Variants in MYT1L observed in about 807,000 individuals in gnomAD.
MYT1L encodes myelin transcription factor 1-like protein.
In MYT1L, 12 loss-of-function variants were observed where a neutral mutation model predicts 126.7. The ratio of observed to expected loss-of-function variants is 0.09; its 90% CI spans 0.06 to 0.15. The LOEUF (loss-of-function observed/expected upper bound fraction) is 0.15, where lower values mean the gene tolerates loss of function less well. MYT1L is among the 10% of genes least tolerant of loss of function. The pLI is 1.00. For missense variants in MYT1L, 979 were observed against 1,585.2 expected (o/e 0.62, Z 6.49); for synonymous variants, 541 against 604.2 (o/e 0.90, Z 1.53).
chr2:1,847,975 C>G lies in MYT1L; in HGVS notation c.2774+3666G>C, dbSNP rs1338483190. Among the ~76,000 whole-genome samples the G allele has an allele frequency of 2.6e-5, 4 of 152,200 alleles. No individual in the cohort carries two copies. In the East Asian group the frequency reaches 7.7e-4, roughly 29 times the overall value. ...CTACTTCCTCCAGGGCCATCCTAGG[C>G]TCATGGGGCTGCCAGGAGGTGGGAC... On this transcript the variant is annotated intron_variant, in intron 19 of 24. Transcript: ENST00000647738.
At chr2:1,880,912 G>A (rs1199485523) in intron 18 of MYT1L, among the ~76,000 whole-genome samples, 1 of 152,208 alleles carries the variant, frequency 6.6e-6, no homozygotes, top group East Asian at 1.9e-4. Context: ...CAAGACAATG[G>A]CGAGGCATAA....
At chr2:2,313,469 A>C (rs991424512) in intron 1 of MYT1L, among the ~76,000 whole-genome samples, 2 of 151,900 alleles carry the variant, frequency 1.3e-5, no homozygotes, top group Non-Finnish European at 2.9e-5. Flanking sequence ...AACAAATCTC[A>C]CATTCTGAAT....
At chr2:2,286,143 C>T (rs1404542342) in intron 1 of MYT1L, among the ~76,000 whole-genome samples, 2 of 152,114 alleles carry the variant, frequency 1.3e-5, no homozygotes, top group Non-Finnish European at 2.9e-5. Flanking sequence ...CCACCACCCC[C>T]GGCTAATTTT....
intron 3 of MYT1L, among the ~76,000 whole-genome samples, chr2:2,108,168 C>A (rs150131419): frequency 6.6e-6 from 1 of 152,146 alleles, no homozygotes; most frequent in Non-Finnish European, 1.5e-5. Flanking sequence ...ACCTGAGTGG[C>A]CTTCTAGACT....
intron 4 of MYT1L, among the ~76,000 whole-genome samples, chr2:2,033,869 G>A (rs1020159809): frequency 1.3e-5 from 2 of 152,194 alleles, no homozygotes; most frequent in African/African-American, 2.4e-5. Context: ...GTGGGGCTGC[G>A]ATGCCACATG....
intron 8 of MYT1L, among the ~76,000 whole-genome samples, chr2:1,956,238 ATCTATCCTATTCTATATTTCCTAT>A (rs2058362979): frequency 9.1e-5 from 11 of 121,330 alleles, no homozygotes; most frequent in African/African-American, 2.0e-4. Context: ...TCTATCATCT[ATCTATCCTATTCTATATTTCCTAT>A]TCTATCTGTC....
intron 11 of MYT1L, among the ~76,000 whole-genome samples, chr2:1,914,072 G>C (rs2052458598): frequency 6.6e-6 from 1 of 151,966 alleles, no homozygotes; most frequent in Non-Finnish European, 1.5e-5. Flanking sequence ...TCACCAATAT[G>C]GTGAAACCCC....
chr2:2,252,802 T>C (rs1301488722), intron 2 of MYT1L, among the ~76,000 whole-genome samples: 1 of 152,164 alleles, frequency 6.6e-6, no homozygotes, highest in Non-Finnish European at 1.5e-5. Context: ...TGGGGTGCTA[T>C]ATGTCTTCTA....
intron 2 of MYT1L, among the ~76,000 whole-genome samples, chr2:2,203,161 A>G (rs1345143204): frequency 1.4e-5 from 2 of 147,516 alleles, no homozygotes; most frequent in African/African-American, 5.1e-5. Context: ...CCCACAGCCA[A>G]TATCAACTGA....
chr2:2,189,003 T>G (rs990965243), intron 2 of MYT1L, among the ~76,000 whole-genome samples: 1 of 152,174 alleles, frequency 6.6e-6, no homozygotes, highest in African/African-American at 2.4e-5. Context: ...GGAAATTAAT[T>G]TGAGCTGCTG....
intron 8 of MYT1L, among the ~76,000 whole-genome samples, chr2:1,948,277 T>C (rs1172241256): frequency 6.6e-6 from 1 of 152,226 alleles, no homozygotes; most frequent in Non-Finnish European, 1.5e-5. Flanking sequence ...CATGGTTCAT[T>C]GCTCACGATT....
chr2:2,280,186 G>A (rs1056153437), intron 2 of MYT1L, among the ~76,000 whole-genome samples: 3 of 152,150 alleles, frequency 2.0e-5, no homozygotes, highest in African/African-American at 7.2e-5. Flanking sequence ...TTCCCATAAG[G>A]AGGATTTCAA....
intron 17 of MYT1L, 112 bp from the exon 18 acceptor site, chr2:1,886,719 A>C: frequency 1.8e-6 from 1 of 552,760 alleles, no homozygotes; most frequent in Non-Finnish European, 2.9e-6. Flanking sequence ...AGCAATGGGC[A>C]AGTGCTGTAT....
chr2:2,241,631 G>T (rs1353246787), intron 2 of MYT1L, among the ~76,000 whole-genome samples: 2 of 152,140 alleles, frequency 1.3e-5, no homozygotes, highest in Non-Finnish European at 2.9e-5. Context: ...TTTGTTTTTT[G>T]TTTTTGGATT....
chr2:2,268,405 G>A (rs1003240846), intron 2 of MYT1L, among the ~76,000 whole-genome samples: 4 of 152,162 alleles, frequency 2.6e-5, no homozygotes, highest in Non-Finnish European at 5.9e-5. Flanking sequence ...GTGCAAAACA[G>A]CTATGATTAA....
intron 18 of MYT1L, among the ~76,000 whole-genome samples, chr2:1,858,545 G>A (rs1189721279): frequency 6.6e-6 from 1 of 152,206 alleles, no homozygotes; most frequent in Non-Finnish European, 1.5e-5. Context: ...TGCATGAGAG[G>A]ATGTGTGCAG....
chr2:2,160,632 C>A (rs376246475), intron 3 of MYT1L, among the ~76,000 whole-genome samples: 1 of 152,128 alleles, frequency 6.6e-6, no homozygotes, highest in African/African-American at 2.4e-5. Flanking sequence ...AGACATTGCA[C>A]GCCATCTTCT....
At chr2:1,853,601 G>T (rs947597186) in intron 18 of MYT1L, among the ~76,000 whole-genome samples, 1 of 152,206 alleles carries the variant, frequency 6.6e-6, no homozygotes, top group Non-Finnish European at 1.5e-5. Context: ...CGTGGTGCAT[G>T]TATCTGTATT....
intron 4 of MYT1L, among the ~76,000 whole-genome samples, chr2:2,004,483 C>CTTCTTTCCTGCAGGCA (rs1227673132): frequency 2.1e-4 from 28 of 132,612 alleles, no homozygotes; most frequent in Non-Finnish European, 3.6e-4. Flanking sequence ...TCCTGCTTGC[C>CTTCTTTCCTGCAGGCA]TTCTTTCCTG....
Sources: allele counts gnomAD v4.1 joint callset (sites outside exome capture counted in the v4.1 genomes callset), GRCh38; gene constraint gnomAD v4.1.1; transcripts MANE v1.5; gene names NCBI Gene and HGNC (gene_info 2026-07-23, HGNC 2026-07-21).